PEPD: variants seen among roughly 807,000 people sequenced by gnomAD.
PEPD encodes peptidase D, also known as xaa-Pro dipeptidase.
Under a neutral mutation model 60.7 loss-of-function variants are expected in PEPD, and 53 were observed. The ratio of observed to expected loss-of-function variants is 0.87; its 90% CI spans 0.70 to 1.10. The LOEUF is 1.10. PEPD is among the 50% of genes least tolerant of loss of function. The pLI is 0.00. For synonymous variants in PEPD, 267 were observed against 284.1 expected (o/e 0.94, Z 0.60); for missense variants, 711 against 711.9 (o/e 1.00, Z 0.01).
chr19:33,418,709 G>T (rs1968943461), intron 9 of PEPD, among the ~76,000 whole-genome samples: 1 of 152,202 alleles, frequency 6.6e-6, no homozygotes, highest in Non-Finnish European at 1.5e-5. Context: ...AGCAGGTACT[G>T]GGACTTGGCA....
At chr19:33,411,553 A>C in intron 11 of PEPD, 119 bp downstream of exon 11, 1 of 711,750 alleles carries the variant, frequency 1.4e-6, no homozygotes, top group Non-Finnish European at 2.6e-6. Flanking sequence ...AAGCCCAGGG[A>C]CTTGCTGTGG....
rs1381785266 is a variant in PEPD, at chr19:33,514,369, C to G, written c.18-1593G>C. Among the ~76,000 whole-genome samples, 7 of 151,970 alleles carry G rather than the reference C, an allele frequency of 4.6e-5. 1 individual carries two copies. The highest frequency in any genetic ancestry group is 4.2e-4 in the South Asian group (2 of 4,816). ...CCTCACACTCACCTCACATGGGACCCTCAGAGGCCCTGACCCTCCTGCCAG... is the reference window on the plus strand; with the variant it reads ...CCTCACACTCACCTCACATGGGACCGTCAGAGGCCCTGACCCTCCTGCCAG... On this transcript the variant is annotated intron_variant, in intron 1 of 14. Coordinates refer to ENST00000244137, the MANE Select transcript of PEPD (RefSeq NM_000285.4).
chr19:33,424,249 T>C (rs1356968937), intron 9 of PEPD, among the ~76,000 whole-genome samples: 1 of 152,204 alleles, frequency 6.6e-6, no homozygotes, highest in Admixed American at 6.5e-5. Flanking sequence ...GAGGCAGAAC[T>C]TGACTGGTGC....
At chr19:33,499,065 G>A (rs1970661864) in intron 4 of PEPD, among the ~76,000 whole-genome samples, 1 of 152,190 alleles carries the variant, frequency 6.6e-6, no homozygotes, top group Non-Finnish European at 1.5e-5. Context: ...AGGAGTAGGT[G>A]CCTCCTGCTC....
intron 12 of PEPD, among the ~76,000 whole-genome samples, chr19:33,400,962 G>T (rs1169585603): frequency 6.6e-6 from 1 of 152,166 alleles, no homozygotes; most frequent in Non-Finnish European, 1.5e-5. Context: ...CTGAAAGCTG[G>T]CCTTGTTGGG....
intron 12 of PEPD, among the ~76,000 whole-genome samples, chr19:33,397,574 C>T (rs539329462): frequency 2.0e-5 from 3 of 151,880 alleles, no homozygotes; most frequent in Non-Finnish European, 2.9e-5. Flanking sequence ...TTGGGGGACA[C>T]CAATGCCACA....
intron 1 of PEPD, among the ~76,000 whole-genome samples, chr19:33,516,354 G>A (rs1971022678): frequency 6.6e-6 from 1 of 152,076 alleles, no homozygotes; most frequent in East Asian, 1.9e-4. Flanking sequence ...TCATCCCCAG[G>A]TCCCAGGGTA....
At chr19:33,409,878 G>A (rs1968723306) in intron 11 of PEPD, among the ~76,000 whole-genome samples, 2 of 152,240 alleles carry the variant, frequency 1.3e-5, no homozygotes, top group Non-Finnish European at 2.9e-5. Context: ...ATGGGGTGAG[G>A]TGCCTACATC....
chr19:33,441,619 C>G (rs1016328410), intron 9 of PEPD, among the ~76,000 whole-genome samples: 2 of 152,190 alleles, frequency 1.3e-5, no homozygotes, highest in African/African-American at 4.8e-5. Flanking sequence ...TTATGAGCGC[C>G]TGCTGTATGC....
At chr19:33,462,761 A>G (rs956804917) in intron 9 of PEPD, among the ~76,000 whole-genome samples, 1 of 152,204 alleles carries the variant, frequency 6.6e-6, no homozygotes, top group Non-Finnish European at 1.5e-5. Context: ...ATGGTGGGGC[A>G]CTAAACCACC....
intron 9 of PEPD, among the ~76,000 whole-genome samples, chr19:33,423,314 G>C (rs1969073078): frequency 1.3e-5 from 2 of 152,232 alleles, no homozygotes; most frequent in Admixed American, 1.3e-4. Flanking sequence ...CCAACTTCCT[G>C]CTGTTAGAGA....
intron 9 of PEPD, among the ~76,000 whole-genome samples, chr19:33,435,772 A>G (rs546263038): frequency 2.2e-4 from 33 of 152,332 alleles, no homozygotes; most frequent in Non-Finnish European, 4.3e-4. Flanking sequence ...CCATGGGCAG[A>G]GGCCGTGCAG....
intron 3 of PEPD, among the ~76,000 whole-genome samples, chr19:33,503,359 C>T (rs745956407): frequency 2.2e-4 from 34 of 152,206 alleles, no homozygotes; most frequent in Non-Finnish European, 4.4e-4. Flanking sequence ...TATCAAGCTC[C>T]TGCTGTTAAT....
intron 4 of PEPD, among the ~76,000 whole-genome samples, chr19:33,497,201 C>T (rs997734786): frequency 4.6e-5 from 7 of 152,260 alleles, no homozygotes; most frequent in African/African-American, 1.7e-4. Flanking sequence ...AGCACAGTGG[C>T]CCCTGCTGAC....
At chr19:33,429,914 G>C (rs1969234480) in intron 9 of PEPD, among the ~76,000 whole-genome samples, 1 of 152,146 alleles carries the variant, frequency 6.6e-6, no homozygotes, top group Non-Finnish European at 1.5e-5. Flanking sequence ...AATAAAGACG[G>C]GGTATTACTT....
intron 11 of PEPD, among the ~76,000 whole-genome samples, chr19:33,408,253 G>C (rs574672184): frequency 6.6e-6 from 1 of 152,240 alleles, no homozygotes; most frequent in East Asian, 1.9e-4. Flanking sequence ...CCTGAGCTCT[G>C]CCTGTGGCTC....
At chr19:33,478,447 A>G (rs1202582385) in intron 6 of PEPD, among the ~76,000 whole-genome samples, 1 of 152,200 alleles carries the variant, frequency 6.6e-6, no homozygotes, top group African/African-American at 2.4e-5. Flanking sequence ...AATTTGATGA[A>G]AAACATTAAT....
intron 3 of PEPD, among the ~76,000 whole-genome samples, chr19:33,507,240 T>G (rs1478629834): frequency 6.6e-6 from 1 of 152,128 alleles, no homozygotes; most frequent in Non-Finnish European, 1.5e-5. Context: ...TCCCCAACTC[T>G]GGGCTCCGAA....
At chr19:33,443,311 T>C (rs1207399558) in intron 9 of PEPD, among the ~76,000 whole-genome samples, 1 of 152,214 alleles carries the variant, frequency 6.6e-6, no homozygotes, top group African/African-American at 2.4e-5. Flanking sequence ...CACACTTTAT[T>C]TATCCGTGTA....
Sources: allele counts gnomAD v4.1 joint callset (sites outside exome capture counted in the v4.1 genomes callset), GRCh38; gene constraint gnomAD v4.1.1; transcripts MANE v1.5; gene names NCBI Gene and HGNC (gene_info 2026-07-23, HGNC 2026-07-21).